Variants in LIMS1 observed in about 807,000 individuals in gnomAD.
LIMS1 encodes the protein LIM and senescent cell antigen-like-containing domain protein 1.
A neutral mutation model predicts 44.1 loss-of-function variants in LIMS1; 18 were observed. The observed-to-expected ratio is 0.41, with a 90% confidence interval of 0.28 to 0.61. LIMS1 has a LOEUF of 0.61. LIMS1 is among the 20% of genes least tolerant of loss of function. LIMS1 has a pLI of 0.32. For synonymous variants in LIMS1, 93 were observed against 149.1 expected (o/e 0.62, Z 2.74); for missense variants, 201 against 422.0 (o/e 0.48, Z 4.59).
In LIMS1 at chr2:108,632,273, T is replaced by C. The variant is rs540993431; in HGVS notation, c.33-27332T>C. 5.9e-5 allele frequency among the ~76,000 whole-genome samples: 9 copies of C among 152,324 alleles called. No homozygotes were observed. In the South Asian group the frequency reaches 1.9e-3, roughly 32 times the overall value. On this transcript the variant is annotated intron_variant, in intron 1 of 9. Coordinates refer to ENST00000544547, the Ensembl canonical transcript of LIMS1. ...GGCTTGAGTCACCGTGCCCAGCTGA[T>C]ACTTTCCCTTTTTACTCTTTGGGAA...
chr2:108,661,476 A>G (rs1324748170), intron 2 of LIMS1, among the ~76,000 whole-genome samples: 1 of 151,986 alleles, frequency 6.6e-6, no homozygotes, highest in Non-Finnish European at 1.5e-5. Flanking sequence ...GGGATGGGCA[A>G]ATGACAGTTG....
At chr2:108,672,021 G>T (rs1318223221) in intron 3 of LIMS1, among the ~76,000 whole-genome samples, 1 of 152,082 alleles carries the variant, frequency 6.6e-6, no homozygotes, top group African/African-American at 2.4e-5. Context: ...ATACAAAATA[G>T]CCGGGCGTGG....
chr2:108,534,797 TC>T (rs1684067821), intron 1 of LIMS1, among the ~76,000 whole-genome samples: 1 of 151,768 alleles, frequency 6.6e-6, no homozygotes, highest in African/African-American at 2.4e-5. Context: ...TGCTGTTCAC[TC>T]CCGGGTGTCC....
chr2:108,648,444 A>G (rs568986280), intron 1 of LIMS1, among the ~76,000 whole-genome samples: 1 of 152,314 alleles, frequency 6.6e-6, no homozygotes, highest in South Asian at 2.1e-4. Context: ...TCTTCACAGA[A>G]TTGGAAAAAA....
chr2:108,550,221 C>T (rs760164833), intron 1 of LIMS1, among the ~76,000 whole-genome samples: 6 of 151,932 alleles, frequency 3.9e-5, no homozygotes, highest in South Asian at 4.1e-4. Context: ...GCTGGCTGGG[C>T]GCGGTGGCTC....
intron 2 of LIMS1, among the ~76,000 whole-genome samples, chr2:108,668,527 A>G (rs1427362955): frequency 1.3e-5 from 2 of 152,222 alleles, no homozygotes; most frequent in African/African-American, 4.8e-5. Context: ...CCATGTCGCC[A>G]CAGATGACAG....
chr2:108,679,025 C>T (rs1382261164), intron 8 of LIMS1, among the ~76,000 whole-genome samples: 1 of 152,050 alleles, frequency 6.6e-6, no homozygotes, highest in African/African-American at 2.4e-5. Context: ...CCTCCGTATC[C>T]AGGGGCTGGA....
intron 2 of LIMS1, among the ~76,000 whole-genome samples, chr2:108,667,537 TTAA>T (rs1307519667): frequency 8.3e-4 from 33 of 39,700 alleles, no homozygotes; most frequent in South Asian, 2.8e-3. Flanking sequence ...TCAACCTTTT[TTAA>T]AAAAAAAAAA....
At chr2:108,631,407 A>G (rs752867967) in intron 1 of LIMS1, among the ~76,000 whole-genome samples, 73 of 152,294 alleles carry the variant, frequency 4.8e-4, no homozygotes, top group Non-Finnish European at 9.0e-4. Context: ...GTTGAATATG[A>G]TCTGTAAAAG....
intron 5 of LIMS1, among the ~76,000 whole-genome samples, chr2:108,675,540 G>A (rs1692482392): frequency 6.6e-6 from 1 of 152,118 alleles, no homozygotes; most frequent in Admixed American, 6.6e-5. Context: ...TCTACCCTCA[G>A]CACTGTGATT....
chr2:108,655,051 G>A, intron 1 of LIMS1: 1 of 1,611,830 alleles, frequency 6.2e-7, no homozygotes, highest in Non-Finnish European at 8.5e-7. Context: ...TCGTCCCTGT[G>A]CTCAGAGCTC....
At chr2:108,638,201 A>G (rs537888004) in intron 1 of LIMS1, among the ~76,000 whole-genome samples, 42 of 152,332 alleles carry the variant, frequency 2.8e-4, no homozygotes, top group African/African-American at 1.0e-3. Context: ...ATGGGAGAAA[A>G]AAAAATTGTG....
chr2:108,621,672 TA>T (rs1481354049), intron 1 of LIMS1, among the ~76,000 whole-genome samples: 1 of 152,230 alleles, frequency 6.6e-6, no homozygotes, highest in African/African-American at 2.4e-5. Context: ...ACAAATCCTT[TA>T]AGTTGTTTTA....
intron 1 of LIMS1, among the ~76,000 whole-genome samples, chr2:108,634,276 ACT>A (rs1365982519): frequency 2.6e-5 from 4 of 151,958 alleles, no homozygotes; most frequent in Non-Finnish European, 5.9e-5. Context: ...GTTTTCAGTG[ACT>A]CTCATGTTAA....
chr2:108,541,197 A>G (rs547844008), intron 1 of LIMS1, among the ~76,000 whole-genome samples: 7 of 152,330 alleles, frequency 4.6e-5, no homozygotes, highest in African/African-American at 9.6e-5. Context: ...TTCCTTACCA[A>G]TGCATCAGCT....
At chr2:108,578,538 G>C (rs1309383954) in intron 1 of LIMS1, among the ~76,000 whole-genome samples, 1 of 150,154 alleles carries the variant, frequency 6.7e-6, no homozygotes, top group South Asian at 2.1e-4. Flanking sequence ...AAGCATTTCC[G>C]TTATCATAAG....
chr2:108,630,899 A>G (rs1175377434), intron 1 of LIMS1, among the ~76,000 whole-genome samples: 14 of 152,238 alleles, frequency 9.2e-5, no homozygotes, highest in Admixed American at 7.2e-4. Flanking sequence ...TGTTGGAAAA[A>G]AACAGTATTT....
chr2:108,605,994 A>G (rs1181596768), intron 1 of LIMS1, among the ~76,000 whole-genome samples: 1 of 152,252 alleles, frequency 6.6e-6, no homozygotes, highest in Non-Finnish European at 1.5e-5. Flanking sequence ...GGGGCCAGGC[A>G]GCGTGGCCCT....
intron 2 of LIMS1, among the ~76,000 whole-genome samples, chr2:108,666,056 A>G (rs1370899200): frequency 6.6e-5 from 10 of 150,956 alleles, no homozygotes; most frequent in Admixed American, 1.3e-4. Flanking sequence ...CAAGCAAGCA[A>G]TCGGTTCTGC....
Sources: allele counts gnomAD v4.1 joint callset (sites outside exome capture counted in the v4.1 genomes callset), GRCh38; gene constraint gnomAD v4.1.1; transcripts MANE v1.5; gene names NCBI Gene and HGNC (gene_info 2026-07-23, HGNC 2026-07-21).